PGCKA1: variants seen among roughly 807,000 people sequenced by gnomAD.
PGCKA1 encodes the protein PDCD10 and GCKIII kinases-associated protein 1.
chr4:37,505,168 T>C, the PGCKA1 span, among the ~76,000 whole-genome samples: 14 of 152,208 alleles, frequency 9.2e-5, no homozygotes, highest in African/African-American at 3.4e-4. Flanking sequence ...TTGGCACCAA[T>C]TGAAATGATT....
At chr4:37,508,106 A>C in the PGCKA1 span, among the ~76,000 whole-genome samples, 14 of 152,126 alleles carry the variant, frequency 9.2e-5, no homozygotes, top group South Asian at 2.7e-3. Flanking sequence ...TGCTGCTTTC[A>C]GGATCTGTTT....
chr4:37,544,206 T>C, the PGCKA1 span, among the ~76,000 whole-genome samples: 16 of 152,364 alleles, frequency 1.1e-4, no homozygotes, highest in African/African-American at 3.6e-4. Context: ...AAAATCATGC[T>C]GATGCCCAGC....
the PGCKA1 span, among the ~76,000 whole-genome samples, chr4:37,465,327 G>A: frequency 6.6e-6 from 1 of 151,758 alleles, no homozygotes; most frequent in East Asian, 1.9e-4. Context: ...CAGGTGGTGA[G>A]GATACAAAGG....
chr4:37,564,967 C>T, the PGCKA1 span, among the ~76,000 whole-genome samples: 1 of 151,828 alleles, frequency 6.6e-6, no homozygotes, highest in Non-Finnish European at 1.5e-5. Flanking sequence ...CACACACACA[C>T]GTACACACAC....
the PGCKA1 span, among the ~76,000 whole-genome samples, chr4:37,493,357 T>C: frequency 6.6e-6 from 1 of 152,230 alleles, no homozygotes; most frequent in African/African-American, 2.4e-5. Flanking sequence ...AAAAGCTAAT[T>C]CATTTGTGAA....
At chr4:37,491,389 G>A in the PGCKA1 span, among the ~76,000 whole-genome samples, 2 of 152,164 alleles carry the variant, frequency 1.3e-5, no homozygotes, top group African/African-American at 4.8e-5. Flanking sequence ...GACTATATGT[G>A]ATATTCAGAA....
the PGCKA1 span, among the ~76,000 whole-genome samples, chr4:37,517,516 C>T: frequency 2.6e-5 from 4 of 152,056 alleles, no homozygotes; most frequent in Admixed American, 2.0e-4. Flanking sequence ...TAGTCACTAA[C>T]GGTGACATCA....
At chr4:37,546,302 T>G in the PGCKA1 span, among the ~76,000 whole-genome samples, 1 of 152,184 alleles carries the variant, frequency 6.6e-6, no homozygotes, top group Non-Finnish European at 1.5e-5. Context: ...GCGCCAGGCC[T>G]AAAACCAGGA....
At chr4:37,571,432 G>C in the PGCKA1 span, among the ~76,000 whole-genome samples, 2 of 135,462 alleles carry the variant, frequency 1.5e-5, no homozygotes, top group African/African-American at 5.6e-5. Context: ...GCACGATCTT[G>C]GCTCACTGCA....
chr4:37,521,064 TCTC>T, the PGCKA1 span, among the ~76,000 whole-genome samples: 2 of 152,210 alleles, frequency 1.3e-5, no homozygotes, highest in Non-Finnish European at 2.9e-5. Context: ...TTCATTTTTT[TCTC>T]CTCTGATCTT....
the PGCKA1 span, among the ~76,000 whole-genome samples, chr4:37,459,715 G>A: frequency 1.3e-5 from 2 of 151,220 alleles, no homozygotes; most frequent in African/African-American, 2.4e-5. Context: ...CATAACCACA[G>A]TAAATGCAGA....
At chr4:37,542,912 A>C in the PGCKA1 span, among the ~76,000 whole-genome samples, 1 of 152,204 alleles carries the variant, frequency 6.6e-6, no homozygotes, top group African/African-American at 2.4e-5. Context: ...CCCTACTAGC[A>C]TATGGTCTGG....
chr4:37,553,911 A>G, the PGCKA1 span, among the ~76,000 whole-genome samples: 1 of 152,240 alleles, frequency 6.6e-6, no homozygotes, highest in African/African-American at 2.4e-5. Context: ...GGAACATTGT[A>G]TAAATGAATT....
chr4:37,590,806 C>G, the PGCKA1 span: 11 of 1,614,146 alleles, frequency 6.8e-6, no homozygotes, highest in Non-Finnish European at 9.3e-6. Flanking sequence ...AACAGAAGTT[C>G]TAAGCATCTG....
At chr4:37,573,642 T>A in the PGCKA1 span, among the ~76,000 whole-genome samples, 1 of 152,222 alleles carries the variant, frequency 6.6e-6, no homozygotes, top group African/African-American at 2.4e-5. Context: ...CTGCAGGGTA[T>A]TCTGTTGAGT....
At chr4:37,579,550 A>C in the PGCKA1 span, among the ~76,000 whole-genome samples, 1 of 152,212 alleles carries the variant, frequency 6.6e-6, no homozygotes, top group South Asian at 2.1e-4. Flanking sequence ...CCAGTGTAAA[A>C]GTTATTTTCC....
the PGCKA1 span, among the ~76,000 whole-genome samples, chr4:37,514,573 A>C: frequency 9.9e-3 from 1,514 of 152,294 alleles, 22 homozygotes; most frequent in African/African-American, 0.034. Context: ...TTTTATATCA[A>C]CACTATGAGT....
the PGCKA1 span, among the ~76,000 whole-genome samples, chr4:37,584,559 G>A: frequency 2.2e-3 from 339 of 152,336 alleles, 1 homozygote; most frequent in African/African-American, 7.8e-3. Context: ...TGGGGAAGGA[G>A]GGGAGCCTAA....
At chr4:37,570,625 A>G in the PGCKA1 span, among the ~76,000 whole-genome samples, 1,310 of 152,274 alleles carry the variant, frequency 8.6e-3, 8 homozygotes, top group Non-Finnish European at 0.013. Flanking sequence ...GGCTCACTAA[A>G]TATTTGTCTA....
Sources: gnomAD v4.1 joint callset for allele counts (sites outside exome capture counted in the v4.1 genomes callset) on GRCh38, gnomAD v4.1.1 for gene constraint, MANE v1.5 for transcripts, NCBI Gene and HGNC (gene_info 2026-07-23, HGNC 2026-07-21) for gene names.